NELL1: variants seen among roughly 807,000 people sequenced by gnomAD.
NELL1 encodes the protein protein kinase C-binding protein NELL1.
Under a neutral mutation model 107.4 loss-of-function variants are expected in NELL1, and 76 were observed. That is an observed-to-expected ratio of 0.71 (90% CI 0.59 to 0.86). NELL1 has a LOEUF of 0.86. Ranked by LOEUF, NELL1 falls within the 40% of genes least tolerant of loss-of-function variation. NELL1 has a pLI of 0.00. For missense variants in NELL1, 1,024 were observed against 1,005.5 expected, an observed-to-expected ratio of 1.02 and a Z score of -0.25; for synonymous variants, 353 against 341.2, an observed-to-expected ratio of 1.03 and a Z score of -0.38.
At chr11:21,329,747 T>A (rs1004498123) in intron 14 of NELL1, among the ~76,000 whole-genome samples, 3 of 152,138 alleles carry the variant, frequency 2.0e-5, no homozygotes, top group African/African-American at 7.2e-5. Flanking sequence ...TCTTGGGTAA[T>A]TTTTGTAAAT....
intron 12 of NELL1, among the ~76,000 whole-genome samples, chr11:20,965,508 A>G (rs1590471672): frequency 1.3e-5 from 2 of 152,180 alleles, no homozygotes; most frequent in Non-Finnish European, 2.9e-5. Context: ...AGGGTTCATC[A>G]ATTCTTCCAG....
intron 13 of NELL1, among the ~76,000 whole-genome samples, chr11:21,128,794 AT>A (rs1184169925): frequency 3.9e-5 from 6 of 152,206 alleles, no homozygotes; most frequent in Admixed American, 3.9e-4. Flanking sequence ...AGGGGAGGGA[AT>A]CAAGTCAAGA....
At chr11:20,994,199 A>G (rs189509615) in intron 12 of NELL1, among the ~76,000 whole-genome samples, 1 of 152,300 alleles carries the variant, frequency 6.6e-6, no homozygotes, top group Non-Finnish European at 1.5e-5. Context: ...AAACACATAC[A>G]CCTATTTCCT....
chr11:20,831,085 C>G (rs952278961), intron 3 of NELL1, among the ~76,000 whole-genome samples: 1 of 152,160 alleles, frequency 6.6e-6, no homozygotes, highest in African/African-American at 2.4e-5. Flanking sequence ...GTTTCAAACT[C>G]CACTGAACAT....
chr11:20,765,679 GGGCCAAGAAGGA>G (rs1856514652), intron 2 of NELL1, among the ~76,000 whole-genome samples: 1 of 152,260 alleles, frequency 6.6e-6, no homozygotes, highest in East Asian at 1.9e-4. Context: ...ATCTAAAGAA[GGGCCAAGAAGGA>G]GGCCAAGAAG....
intron 14 of NELL1, among the ~76,000 whole-genome samples, chr11:21,264,762 T>C (rs1848603930): frequency 6.6e-6 from 1 of 151,898 alleles, no homozygotes; most frequent in African/African-American, 2.4e-5. Context: ...TGTGTGTGTG[T>C]GTGCGTGCGT....
At chr11:21,390,174 A>G (rs1368688738) in intron 15 of NELL1, among the ~76,000 whole-genome samples, 1 of 151,704 alleles carries the variant, frequency 6.6e-6, no homozygotes, top group Non-Finnish European at 1.5e-5. Context: ...ATATATGCTT[A>G]TTGATCATTT....
chr11:21,027,223 C>T (rs2134311263), intron 12 of NELL1, among the ~76,000 whole-genome samples: 1 of 152,238 alleles, frequency 6.6e-6, no homozygotes, highest in African/African-American at 2.4e-5. Flanking sequence ...GTCTGTCTCA[C>T]AGGGCACCTC....
intron 15 of NELL1, among the ~76,000 whole-genome samples, chr11:21,371,900 AT>A (rs969851565): frequency 5.9e-5 from 9 of 152,034 alleles, no homozygotes; most frequent in South Asian, 2.1e-4. Context: ...TTTAGATAAC[AT>A]TTTTTTATGT....
chr11:21,438,929 C>T (rs1221615265), intron 15 of NELL1, among the ~76,000 whole-genome samples: 1 of 151,630 alleles, frequency 6.6e-6, no homozygotes, highest in Non-Finnish European at 1.5e-5. Context: ...GTCAAAAATG[C>T]ATTTTTTTGT....
At chr11:21,158,956 A>T (rs190292716) in intron 13 of NELL1, among the ~76,000 whole-genome samples, 1 of 152,272 alleles carries the variant, frequency 6.6e-6, no homozygotes, top group African/African-American at 2.4e-5. Flanking sequence ...CTAAGGTCAC[A>T]TAATGATTGG....
At chr11:21,271,849 C>G (rs2133935530) in intron 14 of NELL1, among the ~76,000 whole-genome samples, 1 of 152,278 alleles carries the variant, frequency 6.6e-6, no homozygotes, top group South Asian at 2.1e-4. Context: ...TTGATGTGTT[C>G]AGCACATCAA....
intron 5 of NELL1, among the ~76,000 whole-genome samples, chr11:20,909,302 A>C (rs1037500202): frequency 6.6e-6 from 1 of 152,196 alleles, no homozygotes; most frequent in African/African-American, 2.4e-5. Context: ...TTGTGCACTT[A>C]AAATGTTTAT....
At chr11:21,479,947 C>A (rs914642323) in intron 15 of NELL1, among the ~76,000 whole-genome samples, 3 of 152,082 alleles carry the variant, frequency 2.0e-5, no homozygotes, top group African/African-American at 7.2e-5. Flanking sequence ...AGTCATTCAT[C>A]TTTTCCTTAT....
intron 14 of NELL1, among the ~76,000 whole-genome samples, chr11:21,250,715 A>C (rs1169315011): frequency 5.3e-5 from 8 of 152,224 alleles, no homozygotes; most frequent in African/African-American, 1.9e-4. Context: ...TTGACATTGC[A>C]GATTATAAAT....
chr11:21,183,443 A>C (rs1047360200), intron 13 of NELL1, among the ~76,000 whole-genome samples: 1 of 151,968 alleles, frequency 6.6e-6, no homozygotes, highest in Non-Finnish European at 1.5e-5. Flanking sequence ...GCGAATGAGA[A>C]TATTATTCAG....
chr11:20,788,162 A>G (rs1171138110), intron 3 of NELL1, among the ~76,000 whole-genome samples: 5 of 152,218 alleles, frequency 3.3e-5, no homozygotes, highest in Non-Finnish European at 7.3e-5. Context: ...TAATGCTGCT[A>G]TGAACATTTA....
chr11:21,103,415 A>C (rs1854869625), intron 12 of NELL1, among the ~76,000 whole-genome samples: 1 of 152,204 alleles, frequency 6.6e-6, no homozygotes, highest in Admixed American at 6.5e-5. Flanking sequence ...GAGGCACAAC[A>C]GAGTAGATGC....
chr11:20,863,716 C>T (rs1206115713), intron 4 of NELL1, among the ~76,000 whole-genome samples: 1 of 152,106 alleles, frequency 6.6e-6, no homozygotes, highest in Non-Finnish European at 1.5e-5. Flanking sequence ...GGTGACCGGG[C>T]AGAGGCTGTA....
Sources: allele counts gnomAD v4.1 joint callset (sites outside exome capture counted in the v4.1 genomes callset), GRCh38; gene constraint gnomAD v4.1.1; transcripts MANE v1.5; gene names NCBI Gene and HGNC (gene_info 2026-07-23, HGNC 2026-07-21).